Variants in LRRC28 observed in about 807,000 individuals in gnomAD.
LRRC28 encodes leucine-rich repeat-containing protein 28.
LRRC28 carries 39 observed loss-of-function variants against 45.7 expected under a neutral mutation model. That is an observed-to-expected ratio of 0.85 (90% CI 0.66 to 1.12). The LOEUF is 1.12. LRRC28 is among the 50% of genes most tolerant of loss of function. The pLI is 0.00. For synonymous variants in LRRC28, 206 were observed against 178.8 expected, an observed-to-expected ratio of 1.15 and a Z score of -1.22; for missense variants, 435 against 438.5, an observed-to-expected ratio of 0.99 and a Z score of 0.07.
At chr15:99,343,361 G>T (rs1187380586) in intron 6 of LRRC28, among the ~76,000 whole-genome samples, 2 of 152,178 alleles carry the variant, frequency 1.3e-5, no homozygotes, top group Non-Finnish European at 2.9e-5. Context: ...ATGGTTAAAA[G>T]GGCAGTAGCC....
intron 2 of LRRC28, among the ~76,000 whole-genome samples, chr15:99,257,007 C>G (rs1038095024): frequency 6.6e-6 from 1 of 152,124 alleles, no homozygotes; most frequent in Admixed American, 6.5e-5. Flanking sequence ...CATTCCCTTC[C>G]CTATACTGGA....
At chr15:99,329,362 G>A (rs1956086520) in intron 5 of LRRC28, among the ~76,000 whole-genome samples, 1 of 152,148 alleles carries the variant, frequency 6.6e-6, no homozygotes, top group Non-Finnish European at 1.5e-5. Context: ...TCATAGAAGT[G>A]AAAATGCAAG....
At chr15:99,364,704 T>A (rs796571734) in intron 9 of LRRC28, among the ~76,000 whole-genome samples, 4 of 152,316 alleles carry the variant, frequency 2.6e-5, no homozygotes, top group African/African-American at 9.6e-5. Flanking sequence ...CTTAGTCTTT[T>A]CATCAATAGA....
chr15:99,325,312 A>G (rs181137175), intron 5 of LRRC28, among the ~76,000 whole-genome samples: 1 of 152,298 alleles, frequency 6.6e-6, no homozygotes, highest in Admixed American at 6.5e-5. Flanking sequence ...CTTGTTTATT[A>G]GTTCTAAGAG....
chr15:99,337,407 C>T (rs1388833848), intron 6 of LRRC28, among the ~76,000 whole-genome samples: 2 of 152,270 alleles, frequency 1.3e-5, no homozygotes, highest in Non-Finnish European at 2.9e-5. Flanking sequence ...CTGAGTGCTA[C>T]ATACACATAG....
At chr15:99,355,560 G>T (rs1346312255) in intron 7 of LRRC28, 1 of 152,028 alleles carries the variant, frequency 6.6e-6, no homozygotes, top group African/African-American at 2.4e-5. Flanking sequence ...TTTTTTCTGG[G>T]TTTTTCTTGT....
In LRRC28 at chr15:99,387,586, T is replaced by G. The variant is rs1958064151; in HGVS notation, c.*1484T>G. 6.6e-6 allele frequency: 1 copy of G among 152,208 alleles called. No individual in the cohort carries two copies. The highest frequency in any genetic ancestry group is 1.5e-5 in the Non-Finnish European group (1 of 68,042). The allele number at this position is 152,208 out of a possible 1,614,324, so 9.4% of individuals were successfully genotyped here. A position where few individuals can be genotyped will look rare whatever the true frequency, so the allele number is the denominator to read the frequency against. On this transcript the variant is annotated 3_prime_UTR_variant, in exon 10 of 10. Coordinates refer to ENST00000301981, the MANE Select transcript of LRRC28 (RefSeq NM_144598.5). ...GAGCCTCCACCCTGCCAGAAAGAAC[T>G]CTTCATGAAGAAGTCACGTATTTGC...
At position 99,363,839 on chromosome 15, in the gene LRRC28, A is replaced by G. The variant is rs568421756; in HGVS notation, c.1031+574A>G. On this transcript the variant is annotated intron_variant, in intron 9 of 9. Coordinates refer to ENST00000301981, the MANE Select transcript of LRRC28 (RefSeq NM_144598.5). ...CTACTTTAAAAAAAGGATAGCAGCTAAAGATAGGCTCTCAAATGAAAAATT... is the reference window on the plus strand; with the variant it reads ...CTACTTTAAAAAAAGGATAGCAGCTGAAGATAGGCTCTCAAATGAAAAATT... 2.0e-5 allele frequency among the ~76,000 whole-genome samples: 3 copies of G among 152,384 alleles called. No individual in the cohort carries two copies. The East Asian group carries it at 5.8e-4, about 29-fold the overall frequency.
chr15:99,257,692 C>G (rs1311445207), intron 2 of LRRC28: 2 of 761,920 alleles, frequency 2.6e-6, no homozygotes, highest in Non-Finnish European at 4.9e-6. Flanking sequence ...TCGGTCAGAG[C>G]TGTTGATGAA....
chr15:99,303,483 A>G (rs1263623314), intron 5 of LRRC28, among the ~76,000 whole-genome samples: 5 of 152,208 alleles, frequency 3.3e-5, no homozygotes, highest in African/African-American at 1.2e-4. Flanking sequence ...GTAAATTGAT[A>G]AGGTGTTATA....
intron 1 of LRRC28, among the ~76,000 whole-genome samples, chr15:99,254,327 A>G (rs2080952828): frequency 6.6e-6 from 1 of 152,260 alleles, no homozygotes; most frequent in African/African-American, 2.4e-5. Context: ...ATAAAATGGC[A>G]AGTGCTAGCT....
At chr15:99,332,670 A>G (rs752764376) in intron 5 of LRRC28, among the ~76,000 whole-genome samples, 1 of 152,218 alleles carries the variant, frequency 6.6e-6, no homozygotes, top group Non-Finnish European at 1.5e-5. Flanking sequence ...AGGCAGGACA[A>G]GAGCAGGCCA....
intron 5 of LRRC28, among the ~76,000 whole-genome samples, chr15:99,312,379 A>G (rs1955446138): frequency 6.6e-6 from 1 of 152,228 alleles, no homozygotes; most frequent in African/African-American, 2.4e-5. Flanking sequence ...AAGATAATCA[A>G]TATCACTGTC....
Position 99,387,173 on chromosome 15 carries a change from G to C in LRRC28, c.*1071G>C, listed in dbSNP as rs533335381. 4.1e-5 allele frequency: 6 copies of C among 147,574 alleles called. No homozygotes were observed. The highest frequency in any genetic ancestry group is 2.0e-4 in the East Asian group (1 of 4,948). 9.1% of individuals were successfully genotyped at this position (147,574 alleles called of 1,614,324 possible). A position where few individuals can be genotyped will look rare whatever the true frequency, so the allele number is the denominator to read the frequency against. On this transcript the variant is annotated 3_prime_UTR_variant, in exon 10 of 10. Coordinates refer to ENST00000301981, the MANE Select transcript of LRRC28 (RefSeq NM_144598.5). ...CCTCCCGGGTTCACGCCATTCTCCT[G>C]CCTCAGCCTCCCAAGTAGCTGGGAC... is the stretch of plus-strand genomic sequence containing the variant.
In LRRC28 at chr15:99,284,813, A is replaced by C. The variant is rs1163393444; in HGVS notation, c.210-2444A>C. 1.7e-5 allele frequency: 9 copies of C among 544,416 alleles called. No individual in the cohort carries two copies. In the African/African-American group the frequency reaches 1.7e-4, roughly 10 times the overall value. The allele number at this position is 544,416 out of a possible 1,614,324, so 33.7% of individuals were successfully genotyped here. A position where few individuals can be genotyped will look rare whatever the true frequency, so the allele number is the denominator to read the frequency against. On this transcript the variant is annotated intron_variant, in intron 3 of 9. Transcript: ENST00000301981. ...TGTCAAAATCATTGTAGCTTCCACC[A>C]CTTCCAGAATTGCTTCCATCATTAC...
chr15:99,274,982 A>T (rs1351243560), intron 2 of LRRC28, among the ~76,000 whole-genome samples: 4 of 151,794 alleles, frequency 2.6e-5, no homozygotes, highest in Non-Finnish European at 4.4e-5. Flanking sequence ...TACACAGTTT[A>T]CCCTATAGTA....
chr15:99,293,853 T>A (rs2082198202), intron 5 of LRRC28, among the ~76,000 whole-genome samples: 1 of 152,150 alleles, frequency 6.6e-6, no homozygotes, highest in South Asian at 2.1e-4. Context: ...CCTTTAGTAT[T>A]TGTTTTAGTG....
chr15:99,372,892 AGCAAACATGTCCTTCACATG>A (rs1567707051), intron 9 of LRRC28, among the ~76,000 whole-genome samples: 4 of 152,030 alleles, frequency 2.6e-5, no homozygotes, highest in African/African-American at 9.7e-5. Context: ...CTCGAGGGGA[AGCAAACATGTCCTTCACATG>A]GCAGCAGGAG....
chr15:99,255,824 G>C, intron 1 of LRRC28, 74 bp from the exon 2 acceptor site: 1 of 852,218 alleles, frequency 1.2e-6, no homozygotes, highest in Non-Finnish European at 1.7e-6. Flanking sequence ...AAGTGGCTCT[G>C]TGTGCTAACT....
Sources: allele counts gnomAD v4.1 joint callset (sites outside exome capture counted in the v4.1 genomes callset), GRCh38; gene constraint gnomAD v4.1.1; transcripts MANE v1.5; gene names NCBI Gene and HGNC (gene_info 2026-07-23, HGNC 2026-07-21).